Variants in RABGAP1 observed in about 807,000 individuals in gnomAD.
The protein encoded by RABGAP1 is RAB GTPase activating protein 1.
A neutral mutation model predicts 137.6 loss-of-function variants in RABGAP1; 23 were observed. The observed-to-expected ratio is 0.17, with a 90% CI of 0.12 to 0.24. RABGAP1 has a LOEUF of 0.24. RABGAP1 is among the 10% of genes least tolerant of loss of function. The probability of loss-of-function intolerance (pLI) is 1.00; values close to 1 mark genes in which losing one functional copy is unlikely to be tolerated. For synonymous variants in RABGAP1, 451 were observed against 450.7 expected (o/e 1.00, Z -0.01); for missense variants, 906 against 1,275.8 (o/e 0.71, Z 4.42).
chr9:123,073,097 A>G (rs1292645857), intron 15 of RABGAP1, among the ~76,000 whole-genome samples: 1 of 152,230 alleles, frequency 6.6e-6, no homozygotes, highest in African/African-American at 2.4e-5. Context: ...TTTTGCTAGA[A>G]TGAAATAGCA....
intron 13 of RABGAP1, among the ~76,000 whole-genome samples, chr9:123,022,631 T>G (rs1211195605): frequency 6.6e-6 from 1 of 151,974 alleles, no homozygotes; most frequent in Non-Finnish European, 1.5e-5. Flanking sequence ...GGTCTCGAAC[T>G]CCTGACCTCA....
rs571795420 is a variant in RABGAP1 at position 123,032,367 on chromosome 9, A to G, written c.1794+11908A>G. Among the ~76,000 whole-genome samples, 28 of 152,344 alleles carry G rather than the reference A, an allele frequency of 1.8e-4. No homozygotes were observed. The South Asian group carries it at 5.4e-3, about 29-fold the overall frequency. On this transcript the variant is annotated intron_variant, in intron 13 of 25. Transcript: ENST00000373647. ...ACCTGATTATTGTTCCTTCGATGCT[A>G]TTGGTCTTTTTACTGTGCCACACAC...
intron 4 of RABGAP1, among the ~76,000 whole-genome samples, chr9:122,988,610 A>AT (rs957708492): frequency 2.1e-5 from 3 of 145,068 alleles, no homozygotes; most frequent in Non-Finnish European, 4.6e-5. Context: ...TTTGTTTTTT[A>AT]TTTTTTCATA....
At chr9:122,980,421 C>T (rs1835983959) in intron 2 of RABGAP1, among the ~76,000 whole-genome samples, 2 of 152,154 alleles carry the variant, frequency 1.3e-5, no homozygotes, top group Non-Finnish European at 2.9e-5. Context: ...GGCTTACTGA[C>T]ATTTTGTTCT....
At chr9:122,949,101 T>C (rs1446956993) in intron 1 of RABGAP1, among the ~76,000 whole-genome samples, 1 of 152,174 alleles carries the variant, frequency 6.6e-6, no homozygotes, top group Non-Finnish European at 1.5e-5. Context: ...TTGGGCTAGG[T>C]GCGGTGGCTC....
chr9:123,066,203 G>A (rs1314925085), intron 14 of RABGAP1, among the ~76,000 whole-genome samples: 1 of 152,162 alleles, frequency 6.6e-6, no homozygotes, highest in Non-Finnish European at 1.5e-5. Context: ...GGATAGGCTC[G>A]CCAATGAAAA....
At chr9:122,963,467 A>C (rs10123028) in intron 2 of RABGAP1, among the ~76,000 whole-genome samples, 16,424 of 152,064 alleles carry the variant, frequency 0.11, 2,871 homozygotes, top group African/African-American at 0.37. Context: ...GAAATCAGTA[A>C]CAGAAGTAAA....
At chr9:123,057,965 AT>A (rs1453336789) in intron 13 of RABGAP1, among the ~76,000 whole-genome samples, 2 of 146,454 alleles carry the variant, frequency 1.4e-5, no homozygotes, top group African/African-American at 5.0e-5. Context: ...AGGCAGGAGA[AT>A]CAGGCAGGGA....
chr9:123,024,163 C>T (rs996895424), intron 13 of RABGAP1, among the ~76,000 whole-genome samples: 4 of 152,058 alleles, frequency 2.6e-5, no homozygotes, highest in Admixed American at 6.6e-5. Flanking sequence ...TTCTTCTTCC[C>T]GTTTTGCTTT....
chr9:122,932,248 TA>T, the RABGAP1 span, among the ~76,000 whole-genome samples: 4 of 152,194 alleles, frequency 2.6e-5, no homozygotes, highest in Non-Finnish European at 5.9e-5. Flanking sequence ...TTTATTGAGG[TA>T]AAACATGCGT....
intron 25 of RABGAP1, 110 bp from the exon 26 acceptor site, chr9:123,102,981 C>T (rs1399957069): frequency 1.4e-6 from 2 of 1,379,676 alleles, no homozygotes; most frequent in Non-Finnish European, 9.5e-7. Context: ...GGGAATTCCC[C>T]GAGGCCTCTC....
intron 1 of RABGAP1, 147 bp from the exon 2 acceptor site, chr9:122,956,864 A>C (rs766870787): frequency 2.6e-4 from 87 of 335,620 alleles, no homozygotes; most frequent in Middle Eastern, 8.7e-4. Flanking sequence ...ATAAAAAAAA[A>C]CCCTAAGCTA....
rs141468614 is a variant in RABGAP1, at chr9:122,953,466, A to G, written c.-49-3545A>G. Among the ~76,000 whole-genome samples the G allele has an allele frequency of 3.7e-3, 569 of 152,072 alleles. 5 individuals carry two copies. Among genetic ancestry groups the G allele is most frequent in the African/African-American group, 0.013 (545 of 41,478 alleles). Reference sequence around the variant, plus strand: ...TGCCAGGCTGGAGTGCAATGGCACAATCTCAGCTCACTGCAAGCTCTGCCT... The same window carrying G: ...TGCCAGGCTGGAGTGCAATGGCACAGTCTCAGCTCACTGCAAGCTCTGCCT... On this transcript the variant is annotated intron_variant, in intron 1 of 25. Transcript: ENST00000373647.
chr9:123,096,148 G>A (rs2035176617), intron 21 of RABGAP1, among the ~76,000 whole-genome samples: 1 of 150,510 alleles, frequency 6.6e-6, no homozygotes, highest in African/African-American at 2.4e-5. Context: ...AGAGAGCACA[G>A]TAGAAGGTTC....
At chr9:122,958,389 T>G (rs950291062) in intron 2 of RABGAP1, among the ~76,000 whole-genome samples, 6 of 152,074 alleles carry the variant, frequency 3.9e-5, no homozygotes, top group African/African-American at 1.4e-4. Flanking sequence ...AATAAATATA[T>G]CAAGTAAATT....
chr9:123,053,326 C>T (rs1292759943), intron 13 of RABGAP1, among the ~76,000 whole-genome samples: 2 of 152,124 alleles, frequency 1.3e-5, no homozygotes, highest in African/African-American at 4.8e-5. Context: ...TTATTTTGCT[C>T]AGTTCTACTT....
At chr9:123,002,274 C>T (rs905158417) in intron 10 of RABGAP1, among the ~76,000 whole-genome samples, 78 of 150,244 alleles carry the variant, frequency 5.2e-4, no homozygotes, top group African/African-American at 1.8e-3. Context: ...GCACTCCAGC[C>T]TGGGCAACAA....
At chr9:123,030,578 TATG>T in intron 13 of RABGAP1, among the ~76,000 whole-genome samples, 1 of 152,126 alleles carries the variant, frequency 6.6e-6, no homozygotes, top group African/African-American at 2.4e-5. Context: ...CATACATACT[TATG>T]AGGTATATAA....
intron 1 of RABGAP1, among the ~76,000 whole-genome samples, chr9:122,947,625 G>A (rs527847071): frequency 6.6e-6 from 1 of 152,284 alleles, no homozygotes; most frequent in Admixed American, 6.5e-5. Flanking sequence ...TGATTTAATA[G>A]TTTAAAGAAG....
Sources: allele counts gnomAD v4.1 joint callset (sites outside exome capture counted in the v4.1 genomes callset), GRCh38; gene constraint gnomAD v4.1.1; transcripts MANE v1.5; gene names NCBI Gene and HGNC (gene_info 2026-07-23, HGNC 2026-07-21).